The following RORB variants were observed in gnomAD, a reference collection of about 807,000 sequenced individuals.
RORB encodes the protein nuclear receptor ROR-beta.
In RORB, 6 loss-of-function variants were observed where a neutral mutation model predicts 59.1. That is an observed-to-expected ratio of 0.10 (90% CI 0.06 to 0.20). RORB has a LOEUF of 0.20. RORB is among the 10% of genes least tolerant of loss of function. The probability of loss-of-function intolerance (pLI) is 1.00; values close to 1 mark genes in which losing one functional copy is unlikely to be tolerated. For synonymous variants in RORB, 215 were observed against 204.5 expected, an observed-to-expected ratio of 1.05 and a Z score of -0.44; for missense variants, 320 against 560.5, an observed-to-expected ratio of 0.57 and a Z score of 4.33.
At chr9:74,638,249 TAATAGA>T (rs1367963786) in intron 3 of RORB, among the ~76,000 whole-genome samples, 4 of 152,246 alleles carry the variant, frequency 2.6e-5, no homozygotes, top group African/African-American at 9.6e-5. Flanking sequence ...TGTGCTATGT[TAATAGA>T]AATCTTTGAA....
intron 1 of RORB, among the ~76,000 whole-genome samples, chr9:74,580,540 T>C (rs1822706532): frequency 6.6e-6 from 1 of 152,168 alleles, no homozygotes; most frequent in African/African-American, 2.4e-5. Context: ...ATGGGAAGAT[T>C]AGAGAGACTA....
At chr9:74,598,281 T>C (rs989817816) in intron 1 of RORB, among the ~76,000 whole-genome samples, 1 of 152,130 alleles carries the variant, frequency 6.6e-6, no homozygotes, top group African/African-American at 2.4e-5. Context: ...GACAATCTAC[T>C]AGGAGATCAT....
chr9:74,504,487 C>G (rs951455830), intron 1 of RORB, among the ~76,000 whole-genome samples: 2 of 151,974 alleles, frequency 1.3e-5, no homozygotes, highest in African/African-American at 4.8e-5. Flanking sequence ...AAAATATGCT[C>G]TTATAAAAGA....
chr9:74,604,466 GT>G (rs1823119165), intron 1 of RORB, among the ~76,000 whole-genome samples: 1 of 152,136 alleles, frequency 6.6e-6, no homozygotes, highest in Admixed American at 6.5e-5. Flanking sequence ...GGCAAATTGG[GT>G]TATCCATTCT....
At chr9:74,506,760 A>G (rs910283366) in intron 1 of RORB, among the ~76,000 whole-genome samples, 2 of 152,118 alleles carry the variant, frequency 1.3e-5, no homozygotes, top group Admixed American at 6.6e-5. Flanking sequence ...ATTTCCACAT[A>G]GTGGGCAGGA....
In RORB at chr9:74,666,448, G is replaced by A. The variant is rs552608039; in HGVS notation, c.1000+853G>A. Among the ~76,000 whole-genome samples, 221 of 150,058 alleles carry A rather than the reference G, an allele frequency of 1.5e-3. 1 individual carries two copies. Among genetic ancestry groups the A allele is most frequent in the African/African-American group, 5.0e-3 (203 of 40,720 alleles). On this transcript the variant is annotated intron_variant, in intron 7 of 9. Transcript: ENST00000376896. Reference sequence around the variant, plus strand: ...TGCACTACAGCCTGGGTGACAAAGCGAGACCCTGTTAAAAAAAAAAAAGGA... The same window carrying A: ...TGCACTACAGCCTGGGTGACAAAGCAAGACCCTGTTAAAAAAAAAAAAGGA...
In RORB at chr9:74,671,953, A is replaced by G. The variant is rs746939460; in HGVS notation, c.1224+52A>G. 4.0e-6 allele frequency: 4 copies of G among 995,720 alleles called. No individual in the cohort carries two copies. In the Admixed American group the frequency reaches 9.2e-5, roughly 23 times the overall value. 61.7% of individuals were successfully genotyped at this position (995,720 alleles called of 1,614,324 possible). On this transcript the variant is annotated intron_variant, in intron 9 of 9. Coordinates refer to ENST00000376896, the MANE Select transcript of RORB (RefSeq NM_006914.4). ...ACCACCAAAAGAGAGCACAGTGAGC[A>G]AAAAGGACTGCTTATAAATCAAGGG...
intron 1 of RORB, among the ~76,000 whole-genome samples, chr9:74,510,306 T>C (rs1472551010): frequency 6.6e-6 from 1 of 152,194 alleles, no homozygotes. Flanking sequence ...GAAAAGATTG[T>C]ACACTTATCT....
chr9:74,604,065 TC>T (rs1336550917), intron 1 of RORB, among the ~76,000 whole-genome samples: 1 of 152,232 alleles, frequency 6.6e-6, no homozygotes, highest in African/African-American at 2.4e-5. Context: ...TTTTCTCACA[TC>T]CCTATAATTT....
Position 74,590,712 on chromosome 9 carries a change from A to T in RORB, c.8-39570A>T, listed in dbSNP as rs536342215. Among the ~76,000 whole-genome samples, 6 of 152,346 alleles carry T rather than the reference A, an allele frequency of 3.9e-5. No individual in the cohort carries two copies. In the South Asian group the frequency reaches 1.2e-3, roughly 32 times the overall value. ...GGGATTTTAGATTTTGCAGACATAC[A>T]TCGTTGCCCTTTAGGAGATATTTGT... On this transcript the variant is annotated intron_variant, in intron 1 of 9. Transcript: ENST00000376896.
At chr9:74,532,824 ATGTG>A (rs1297211759) in intron 1 of RORB, among the ~76,000 whole-genome samples, 1 of 143,104 alleles carries the variant, frequency 7.0e-6, no homozygotes, top group African/African-American at 2.6e-5. Flanking sequence ...ACACATATAT[ATGTG>A]TATATATATA....
chr9:74,523,627 T>C (rs939133903), intron 1 of RORB, among the ~76,000 whole-genome samples: 1 of 151,932 alleles, frequency 6.6e-6, no homozygotes, highest in Non-Finnish European at 1.5e-5. Flanking sequence ...ATAAACTCGT[T>C]GGCCTGATTG....
chr9:74,614,744 A>C (rs1257016481), intron 1 of RORB, among the ~76,000 whole-genome samples: 1 of 152,220 alleles, frequency 6.6e-6, no homozygotes, highest in Non-Finnish European at 1.5e-5. Flanking sequence ...AGTTAAATAA[A>C]GCTAATACAT....
At chr9:74,502,162 G>C (rs907707141) in intron 1 of RORB, among the ~76,000 whole-genome samples, 35 of 152,060 alleles carry the variant, frequency 2.3e-4, no homozygotes, top group Non-Finnish European at 7.4e-5. Flanking sequence ...CTATTCAGGA[G>C]TGTATTTGCA....
intron 1 of RORB, among the ~76,000 whole-genome samples, chr9:74,621,628 G>A (rs1440675775): frequency 6.6e-6 from 1 of 152,126 alleles, no homozygotes; most frequent in African/African-American, 2.4e-5. Flanking sequence ...TAGGTGGTTT[G>A]GTAAGACTAT....
At chr9:74,673,069 T>G (rs1824374676) in intron 9 of RORB, among the ~76,000 whole-genome samples, 1 of 152,210 alleles carries the variant, frequency 6.6e-6, no homozygotes, top group South Asian at 2.1e-4. Flanking sequence ...ATTTCCACAT[T>G]ATAGAGCAAT....
intron 1 of RORB, chr9:74,498,366 A>T: frequency 3.4e-5 from 6 of 178,354 alleles, no homozygotes; most frequent in Non-Finnish European, 5.8e-5. Flanking sequence ...CCCGGCGCGC[A>T]GTGGTCGCCG....
chr9:74,579,643 C>G lies in RORB; in HGVS notation c.8-50639C>G, dbSNP rs78438857. 4.8e-3 allele frequency among the ~76,000 whole-genome samples: 733 copies of G among 152,158 alleles called. 8 individuals carry two copies. The highest frequency in any genetic ancestry group is 0.017 in the African/African-American group (709 of 41,532). ...AATTGCAAACCTGAACTTGAGAAACCCTTTCATTGACTTTTCCTATCATAT... is the reference window on the plus strand; with the variant it reads ...AATTGCAAACCTGAACTTGAGAAACGCTTTCATTGACTTTTCCTATCATAT... On this transcript the variant is annotated intron_variant, in intron 1 of 9. Transcript: ENST00000376896.
At chr9:74,683,157 G>A (rs1310810008) in intron 9 of RORB, among the ~76,000 whole-genome samples, 1 of 152,206 alleles carries the variant, frequency 6.6e-6, no homozygotes, top group Non-Finnish European at 1.5e-5. Context: ...GAAGTTTCAA[G>A]AGCTCTGCAC....
Sources: gnomAD v4.1 joint callset for allele counts (sites outside exome capture counted in the v4.1 genomes callset) on GRCh38, gnomAD v4.1.1 for gene constraint, MANE v1.5 for transcripts, NCBI Gene and HGNC (gene_info 2026-07-23, HGNC 2026-07-21) for gene names.